The following PABPC4L variants were observed in gnomAD, a reference collection of about 807,000 sequenced individuals.
The protein encoded by PABPC4L is poly(A) binding protein cytoplasmic 4 like.
For missense variants in PABPC4L, 452 were observed against 451.4 expected (o/e 1.00, Z -0.01); for synonymous variants, 169 against 164.1 (o/e 1.03, Z -0.23).
chr4:133,987,464 T>A, the PABPC4L span, among the ~76,000 whole-genome samples: 1 of 152,174 alleles, frequency 6.6e-6, no homozygotes, highest in Non-Finnish European at 1.5e-5. Flanking sequence ...GGAAACAGGT[T>A]AATACTACAT....
chr4:134,033,319 C>CT, the PABPC4L span, among the ~76,000 whole-genome samples: 11 of 151,978 alleles, frequency 7.2e-5, 1 homozygote, highest in South Asian at 1.4e-3. Context: ...GTCTCTTTCC[C>CT]TTTCCTCTAG....
At chr4:134,033,020 CT>C in the PABPC4L span, among the ~76,000 whole-genome samples, 48,425 of 138,682 alleles carry the variant, frequency 0.35, 9,808 homozygotes, top group East Asian at 0.89. Context: ...CACAAGTATC[CT>C]TTTTTTTTTT....
the PABPC4L span, among the ~76,000 whole-genome samples, chr4:134,047,924 A>G: frequency 6.6e-6 from 1 of 151,960 alleles, no homozygotes; most frequent in East Asian, 1.9e-4. Flanking sequence ...AAATGTTGCT[A>G]TGCTGCAAAA....
chr4:134,097,731 T>C, the PABPC4L span, among the ~76,000 whole-genome samples: 5 of 151,924 alleles, frequency 3.3e-5, no homozygotes, highest in Non-Finnish European at 7.4e-5. Flanking sequence ...TAACAAAACT[T>C]ACATTCTAAA....
chr4:134,050,158 AT>A, the PABPC4L span, among the ~76,000 whole-genome samples: 1 of 152,104 alleles, frequency 6.6e-6, no homozygotes, highest in Admixed American at 6.6e-5. Context: ...ACATTAAAAA[AT>A]TTTTTTCAAC....
chr4:133,980,145 T>C, the PABPC4L span, among the ~76,000 whole-genome samples: 997 of 152,290 alleles, frequency 6.5e-3, 11 homozygotes, highest in Admixed American at 0.012. Context: ...CCATTCTTAA[T>C]CACTACCTGT....
At chr4:134,183,119 G>A in the PABPC4L span, among the ~76,000 whole-genome samples, 1 of 151,948 alleles carries the variant, frequency 6.6e-6, no homozygotes, top group Non-Finnish European at 1.5e-5. Context: ...ATACCCAAAT[G>A]AATATAAATT....
chr4:134,106,886 C>A, the PABPC4L span, among the ~76,000 whole-genome samples: 16 of 151,324 alleles, frequency 1.1e-4, no homozygotes, highest in Non-Finnish European at 2.2e-4. Context: ...TATGATGGGG[C>A]ACTAATCAGG....
chr4:134,141,715 T>C, the PABPC4L span, among the ~76,000 whole-genome samples: 1 of 151,638 alleles, frequency 6.6e-6, no homozygotes, highest in Non-Finnish European at 1.5e-5. Flanking sequence ...ATCTTTTCTA[T>C]ATTTTCATAT....
the PABPC4L span, among the ~76,000 whole-genome samples, chr4:134,063,179 C>A: frequency 6.6e-6 from 1 of 152,084 alleles, no homozygotes; most frequent in Non-Finnish European, 1.5e-5. Flanking sequence ...GGTGACTGTT[C>A]AACTAGAGGC....
chr4:134,162,697 A>T, the PABPC4L span, among the ~76,000 whole-genome samples: 1 of 152,234 alleles, frequency 6.6e-6, no homozygotes, highest in East Asian at 1.9e-4. Flanking sequence ...CTAGAAGTCA[A>T]CTCCAAAAGG....
chr4:133,969,933 ACTT>A, the PABPC4L span, among the ~76,000 whole-genome samples: 2 of 151,880 alleles, frequency 1.3e-5, no homozygotes, highest in South Asian at 2.1e-4. Context: ...TTTTTCTTTC[ACTT>A]CTTCTTCAGC....
At chr4:134,099,084 G>A in the PABPC4L span, among the ~76,000 whole-genome samples, 1 of 151,622 alleles carries the variant, frequency 6.6e-6, no homozygotes, top group African/African-American at 2.4e-5. Flanking sequence ...GTGTTTGTGA[G>A]AAACAGGAAT....
the PABPC4L span, among the ~76,000 whole-genome samples, chr4:134,047,594 C>T: frequency 6.6e-6 from 1 of 152,108 alleles, no homozygotes; most frequent in African/African-American, 2.4e-5. Flanking sequence ...GCTCTCAGGG[C>T]TCTGCAGATA....
chr4:133,951,655 T>C, the PABPC4L span, among the ~76,000 whole-genome samples: 1 of 152,078 alleles, frequency 6.6e-6, no homozygotes, highest in African/African-American at 2.4e-5. Flanking sequence ...TACAAACATA[T>C]GAAACATTTT....
At chr4:134,185,450 C>T in the PABPC4L span, among the ~76,000 whole-genome samples, 3 of 152,078 alleles carry the variant, frequency 2.0e-5, no homozygotes, top group African/African-American at 7.2e-5. Flanking sequence ...ATGATTATCT[C>T]AATAGATGCA....
the PABPC4L span, among the ~76,000 whole-genome samples, chr4:134,164,283 A>G: frequency 1.3e-5 from 2 of 148,902 alleles, no homozygotes; most frequent in African/African-American, 4.9e-5. Flanking sequence ...AAAAAAAAAA[A>G]AAAAAAAAAT....
the PABPC4L span, among the ~76,000 whole-genome samples, chr4:134,058,131 C>G: frequency 1.1e-4 from 17 of 151,812 alleles, no homozygotes; most frequent in African/African-American, 2.4e-5. Flanking sequence ...AATTTGAAAA[C>G]TATGTGCATA....
At chr4:133,992,617 G>T in the PABPC4L span, among the ~76,000 whole-genome samples, 1 of 152,144 alleles carries the variant, frequency 6.6e-6, no homozygotes, top group Non-Finnish European at 1.5e-5. Context: ...GGAAGGGGGT[G>T]TCCGCCCAGG....
Sources: gnomAD v4.1 joint callset for allele counts (sites outside exome capture counted in the v4.1 genomes callset) on GRCh38, gnomAD v4.1.1 for gene constraint, MANE v1.5 for transcripts, NCBI Gene and HGNC (gene_info 2026-07-23, HGNC 2026-07-21) for gene names.